MYLK4: variants seen among roughly 807,000 people sequenced by gnomAD.
The protein encoded by MYLK4 is myosin light chain kinase family member 4.
Under a neutral mutation model 48.1 loss-of-function variants are expected in MYLK4, and 46 were observed. The observed-to-expected ratio is 0.96, with a 90% CI of 0.75 to 1.22. The LOEUF is 1.22. Ranked by LOEUF, MYLK4 falls within the 50% of genes most tolerant of loss-of-function variation. The pLI, the probability that MYLK4 is intolerant of heterozygous loss-of-function variation, is 0.00. For synonymous variants in MYLK4, 170 were observed against 180.8 expected, an observed-to-expected ratio of 0.94 and a Z score of 0.48; for missense variants, 451 against 486.1, an observed-to-expected ratio of 0.93 and a Z score of 0.68.
chr6:2,762,525 A>T, the MYLK4 span, among the ~76,000 whole-genome samples: 3 of 152,238 alleles, frequency 2.0e-5, no homozygotes, highest in Non-Finnish European at 4.4e-5. Flanking sequence ...AAATGTTTAA[A>T]ATCAGTGTAC....
chr6:2,750,232 G>A (rs751060840), intron 1 of MYLK4, among the ~76,000 whole-genome samples: 10 of 152,280 alleles, frequency 6.6e-5, no homozygotes, highest in African/African-American at 2.4e-4. Flanking sequence ...CTTAAAAACC[G>A]TATTGTGATT....
the MYLK4 span, among the ~76,000 whole-genome samples, chr6:2,763,751 G>C: frequency 6.6e-6 from 1 of 152,204 alleles, no homozygotes; most frequent in Non-Finnish European, 1.5e-5. Context: ...TCGCAACCAC[G>C]GCCGGAGTGG....
intron 11 of MYLK4, among the ~76,000 whole-genome samples, chr6:2,674,246 T>G (rs575993365): frequency 6.6e-6 from 1 of 152,284 alleles, no homozygotes; most frequent in South Asian, 2.1e-4. Context: ...CAGTCTGTAG[T>G]CTAAGAGTCT....
intron 2 of MYLK4, among the ~76,000 whole-genome samples, chr6:2,693,914 T>C (rs762568661): frequency 6.6e-6 from 1 of 152,068 alleles, no homozygotes; most frequent in Non-Finnish European, 1.5e-5. Flanking sequence ...TGTACCACCA[T>C]GCCTGGCTAA....
At chr6:2,765,817 G>A in the MYLK4 span, 6 of 1,353,500 alleles carry the variant, frequency 4.4e-6, no homozygotes, top group South Asian at 7.2e-5. Flanking sequence ...AGGGGCCCTC[G>A]CCGCCCGGCG....
intron 2 of MYLK4, among the ~76,000 whole-genome samples, chr6:2,710,488 GA>G (rs1447690618): frequency 6.6e-5 from 10 of 152,190 alleles, no homozygotes; most frequent in African/African-American, 2.4e-4. Flanking sequence ...TCTGGACAAT[GA>G]AATGCCAGAC....
chr6:2,763,932 A>C, the MYLK4 span, among the ~76,000 whole-genome samples: 18 of 152,086 alleles, frequency 1.2e-4, no homozygotes, highest in Non-Finnish European at 2.5e-4. Flanking sequence ...GGATCACCTG[A>C]GGTCGGGAGT....
intron 7 of MYLK4, 168 bp from the exon 8 acceptor site, chr6:2,680,459 T>C: frequency 1.0e-6 from 1 of 985,408 alleles, no homozygotes; most frequent in Non-Finnish European, 1.2e-6. Flanking sequence ...ATGTGGTGGA[T>C]GAGGTTGCGG....
chr6:2,762,395 C>T, the MYLK4 span, among the ~76,000 whole-genome samples: 1 of 152,154 alleles, frequency 6.6e-6, no homozygotes, highest in Non-Finnish European at 1.5e-5. Context: ...GTAGATTTTC[C>T]ACAGCATTAT....
chr6:2,683,165 G>T lies in MYLK4; in HGVS notation c.546-3C>A. On this transcript the variant is annotated splice_polypyrimidine_tract_variant and splice_region_variant and intron_variant, in intron 6 of 12. Transcript: ENST00000274643. Reference sequence around the variant, plus strand: ...CAAACAGCTCCCCACCATCCACACTGCAGAGGGAAGAGGACTGAAACCCTC... The same window carrying T: ...CAAACAGCTCCCCACCATCCACACTTCAGAGGGAAGAGGACTGAAACCCTC... 6.2e-7 allele frequency: 1 copy of T among 1,614,112 alleles called. No individual in the cohort carries two copies. The highest frequency in any genetic ancestry group is 8.5e-7 in the Non-Finnish European group (1 of 1,180,010).
At chr6:2,764,078 G>A in the MYLK4 span, among the ~76,000 whole-genome samples, 1 of 152,226 alleles carries the variant, frequency 6.6e-6, no homozygotes, top group Admixed American at 6.5e-5. Context: ...GTTGCCGTGA[G>A]CTGAGATTGC....
intron 2 of MYLK4, among the ~76,000 whole-genome samples, chr6:2,727,463 A>C (rs914418128): frequency 6.6e-5 from 10 of 152,116 alleles, no homozygotes; most frequent in African/African-American, 2.2e-4. Context: ...CCCTGCCCCC[A>C]TGCACAAGTG....
intron 2 of MYLK4, among the ~76,000 whole-genome samples, chr6:2,698,387 C>T (rs1051193874): frequency 2.0e-5 from 3 of 152,122 alleles, no homozygotes; most frequent in Non-Finnish European, 2.9e-5. Flanking sequence ...TAAGAAAACT[C>T]GGAAGTGTAT....
intron 2 of MYLK4, among the ~76,000 whole-genome samples, chr6:2,705,573 C>G (rs1438380803): frequency 6.6e-6 from 1 of 152,106 alleles, no homozygotes; most frequent in Non-Finnish European, 1.5e-5. Flanking sequence ...CTCTTATTCT[C>G]CAAGGCAGGA....
chr6:2,744,622 T>A (rs1764012236), intron 2 of MYLK4, among the ~76,000 whole-genome samples: 1 of 152,150 alleles, frequency 6.6e-6, no homozygotes, highest in South Asian at 2.1e-4. Flanking sequence ...AATCCACACT[T>A]TACTCCAACC....
intron 3 of MYLK4, among the ~76,000 whole-genome samples, chr6:2,689,844 T>C (rs1761705719): frequency 6.6e-6 from 1 of 152,260 alleles, no homozygotes; most frequent in South Asian, 2.1e-4. Flanking sequence ...ATTTACCTTG[T>C]TCCAGGCACT....
intron 2 of MYLK4, among the ~76,000 whole-genome samples, chr6:2,736,726 A>G (rs1763688746): frequency 1.3e-5 from 2 of 152,220 alleles, no homozygotes; most frequent in Admixed American, 1.3e-4. Context: ...GGGGAAAAGG[A>G]CAGAAACTGG....
intron 2 of MYLK4, among the ~76,000 whole-genome samples, chr6:2,694,009 C>T (rs978977009): frequency 1.3e-4 from 20 of 152,044 alleles, no homozygotes; most frequent in Non-Finnish European, 1.5e-5. Context: ...TCCGCCTGCC[C>T]CGGCCTCCCA....
intron 3 of MYLK4, among the ~76,000 whole-genome samples, chr6:2,691,082 A>G (rs1355546041): frequency 6.6e-6 from 1 of 152,138 alleles, no homozygotes; most frequent in Non-Finnish European, 1.5e-5. Flanking sequence ...CAACTGCCTC[A>G]GCCTCCTAAA....
Sources: allele counts gnomAD v4.1 joint callset (sites outside exome capture counted in the v4.1 genomes callset), GRCh38; gene constraint gnomAD v4.1.1; transcripts MANE v1.5; gene names NCBI Gene and HGNC (gene_info 2026-07-23, HGNC 2026-07-21).